Variants in MSH3 observed in about 807,000 individuals in gnomAD.
The protein encoded by MSH3 is DNA mismatch repair protein Msh3.
Under a neutral mutation model 123.3 loss-of-function variants are expected in MSH3, and 106 were observed. That is an observed-to-expected ratio of 0.86 (90% CI 0.73 to 1.01). The LOEUF (loss-of-function observed/expected upper bound fraction) is 1.01, where lower values mean the gene tolerates loss of function less well. Among genes scored for constraint, MSH3 ranks in the 50% least tolerant of loss-of-function variants. The pLI, the probability that MSH3 is intolerant of heterozygous loss-of-function variation, is 0.00. For synonymous variants in MSH3, 515 were observed against 481.4 expected (o/e 1.07, Z -0.91); for missense variants, 1,459 against 1,347.6 (o/e 1.08, Z -1.29).
intron 19 of MSH3, among the ~76,000 whole-genome samples, chr5:80,805,480 G>A (rs1411098696): frequency 2.0e-5 from 3 of 151,378 alleles, no homozygotes; most frequent in Non-Finnish European, 2.9e-5. Context: ...ACTTTAAATT[G>A]AACTTGTACC....
At chr5:80,754,581 A>C (rs1016220676) in intron 12 of MSH3, among the ~76,000 whole-genome samples, 2 of 152,204 alleles carry the variant, frequency 1.3e-5, no homozygotes, top group African/African-American at 4.8e-5. Flanking sequence ...TTTAGAGCAA[A>C]TGAGTAATAC....
chr5:80,704,384 T>G (rs1007272099), intron 8 of MSH3, among the ~76,000 whole-genome samples: 4 of 152,250 alleles, frequency 2.6e-5, no homozygotes, highest in Admixed American at 6.5e-5. Flanking sequence ...ATGAAGTGTT[T>G]ATGGGTTTCT....
chr5:80,786,133 A>C (rs1166742046), intron 17 of MSH3, among the ~76,000 whole-genome samples: 1 of 151,912 alleles, frequency 6.6e-6, no homozygotes. Context: ...CCTAAAACTT[A>C]AAGTATAATA....
chr5:80,843,419 A>C (rs981914759), intron 20 of MSH3, among the ~76,000 whole-genome samples: 1 of 152,238 alleles, frequency 6.6e-6, no homozygotes, highest in South Asian at 2.1e-4. Context: ...CTGGCCTCAT[A>C]AAATGAGTTA....
rs2112808327 is a variant in MSH3, at chr5:80,664,608, AG to A, written c.359-531del. 2.0e-5 allele frequency among the ~76,000 whole-genome samples: 3 copies of A among 152,282 alleles called. No individual in the cohort carries two copies. In the South Asian group the frequency reaches 6.2e-4, roughly 32 times the overall value. ...GTTGTCTTTGAGCTTGGAGTATGGTAGGGGTTTAGGGAACAAATTGCTTTGA... is the reference window on the plus strand; with the variant it reads ...GTTGTCTTTGAGCTTGGAGTATGGTAGGGTTTAGGGAACAAATTGCTTTGA... On this transcript the variant is annotated intron_variant, in intron 2 of 23. Coordinates refer to ENST00000265081, the MANE Select transcript of MSH3 (RefSeq NM_002439.5).
chr5:80,688,103 A>C (rs1457720063), intron 8 of MSH3, among the ~76,000 whole-genome samples: 2 of 152,224 alleles, frequency 1.3e-5, no homozygotes, highest in Non-Finnish European at 2.9e-5. Flanking sequence ...GACATTCAGA[A>C]AGATACTTGG....
chr5:80,676,273 A>C (rs1749837063), intron 7 of MSH3, among the ~76,000 whole-genome samples: 1 of 151,972 alleles, frequency 6.6e-6, no homozygotes, highest in African/African-American at 2.4e-5. Context: ...TCAGGTGATC[A>C]GCCCACCTCG....
At chr5:80,702,640 T>G (rs1750636370) in intron 8 of MSH3, among the ~76,000 whole-genome samples, 1 of 152,122 alleles carries the variant, frequency 6.6e-6, no homozygotes, top group South Asian at 2.1e-4. Context: ...AGGTAACACT[T>G]AACTAGACAG....
At chr5:80,832,855 T>C (rs892779395) in intron 20 of MSH3, among the ~76,000 whole-genome samples, 3 of 152,148 alleles carry the variant, frequency 2.0e-5, no homozygotes, top group Non-Finnish European at 4.4e-5. Flanking sequence ...TCATTCAATA[T>C]GAAAAGTCCT....
chr5:80,822,195 A>C (rs1196331287), intron 20 of MSH3, among the ~76,000 whole-genome samples: 2 of 152,216 alleles, frequency 1.3e-5, no homozygotes, highest in Admixed American at 1.3e-4. Context: ...TCATCCTTCT[A>C]GAACCCTGAG....
intron 12 of MSH3, among the ~76,000 whole-genome samples, chr5:80,753,153 T>G (rs1252875600): frequency 6.6e-6 from 1 of 152,122 alleles, no homozygotes; most frequent in East Asian, 1.9e-4. Context: ...CAGGTGAAAA[T>G]GAGACCCATG....
chr5:80,822,362 T>C (rs555780255), intron 20 of MSH3, among the ~76,000 whole-genome samples: 2 of 152,366 alleles, frequency 1.3e-5, no homozygotes, highest in Admixed American at 1.3e-4. Flanking sequence ...CTAACCCTCA[T>C]ATATTATTGT....
chr5:80,831,795 C>G (rs1405419810), intron 20 of MSH3, among the ~76,000 whole-genome samples: 1 of 151,798 alleles, frequency 6.6e-6, no homozygotes, highest in Non-Finnish European at 1.5e-5. Context: ...TCAGAAAGCA[C>G]ACAAAATAAA....
At chr5:80,665,487 AG>A (rs1290270969) in intron 3 of MSH3, 124 bp downstream of exon 3, 3 of 743,044 alleles carry the variant, frequency 4.0e-6, no homozygotes, top group Non-Finnish European at 6.8e-6. Flanking sequence ...GAATCATCTG[AG>A]GGAGCTTTTG....
chr5:80,670,383 A>T, intron 4 of MSH3, 74 bp downstream of exon 4: 1 of 1,432,342 alleles, frequency 7.0e-7, no homozygotes, highest in Non-Finnish European at 9.8e-7. Context: ...TTTTTGTTTC[A>T]TTTTCTGACC....
At chr5:80,698,975 T>A (rs1035587152) in intron 8 of MSH3, among the ~76,000 whole-genome samples, 1 of 151,206 alleles carries the variant, frequency 6.6e-6, no homozygotes. Context: ...AAATAAAAAA[T>A]AAAAAGAGAA....
intron 10 of MSH3, among the ~76,000 whole-genome samples, chr5:80,736,175 G>T (rs1226281426): frequency 6.6e-6 from 1 of 152,024 alleles, no homozygotes; most frequent in Admixed American, 6.6e-5. Flanking sequence ...GCAGTGAGCC[G>T]AGATCGCGCC....
chr5:80,777,909 C>T (rs569940424), intron 16 of MSH3, among the ~76,000 whole-genome samples: 6 of 152,262 alleles, frequency 3.9e-5, no homozygotes, highest in South Asian at 4.1e-4. Flanking sequence ...TACTTACAGG[C>T]GCTCTCCTAA....
intron 8 of MSH3, 51 bp downstream of exon 8, chr5:80,679,144 A>G (rs1306944907): frequency 1.3e-6 from 2 of 1,578,000 alleles, no homozygotes; most frequent in African/African-American, 1.3e-5. Context: ...ACTTAGGTTT[A>G]GTTCCAAAAC....
Sources: allele counts gnomAD v4.1 joint callset (sites outside exome capture counted in the v4.1 genomes callset), GRCh38; gene constraint gnomAD v4.1.1; transcripts MANE v1.5; gene names NCBI Gene and HGNC (gene_info 2026-07-23, HGNC 2026-07-21).